Variants in UPRT observed in about 807,000 individuals in gnomAD.
UPRT encodes the protein RP11-311P8.3.
In UPRT, 5 loss-of-function variants were observed where a neutral mutation model predicts 22.6. That is an observed-to-expected ratio of 0.22 (90% CI 0.12 to 0.47). UPRT has a LOEUF of 0.47. UPRT is among the 20% of genes least tolerant of loss of function. The probability of loss-of-function intolerance (pLI) is 0.99; values close to 1 mark genes in which losing one functional copy is unlikely to be tolerated. For synonymous variants in UPRT, 77 were observed against 87.7 expected, an observed-to-expected ratio of 0.88 and a Z score of 0.68; for missense variants, 181 against 239.9, an observed-to-expected ratio of 0.75 and a Z score of 1.62.
chrX:75,302,748 C>T (rs1017420933), intron 6 of UPRT, among the ~76,000 whole-genome samples: 1 of 110,509 alleles, frequency 9.0e-6, no homozygotes, highest in African/African-American at 3.3e-5. Context: ...GTTACTTTTC[C>T]CTACCTATTC....
chrX:75,258,304 C>T lies in UPRT; in HGVS notation c.-446-32720C>T, dbSNP rs145324447. ...CACTCCCCTGGAAAGAGGGCTGAAG[C>T]CAGGGAGCCAACTGGTCTGGCTTGG... On this transcript the variant is annotated intron_variant, in intron 4 of 13. Coordinates refer to the UPRT transcript ENST00000652605. 3.1e-3 allele frequency among the ~76,000 whole-genome samples: 323 copies of T among 105,455 alleles called. 1 individual carries two copies. The highest frequency in any genetic ancestry group is 0.01 in the African/African-American group (293 of 28,811). The allele number at this position is 105,455 out of a possible 115,157, so 91.6% of individuals were successfully genotyped here.
chrX:75,286,381 C>A (rs1254852490), intron 1 of UPRT, among the ~76,000 whole-genome samples: 2 of 110,683 alleles, frequency 1.8e-5, no homozygotes, highest in Non-Finnish European at 3.8e-5. Context: ...CCAACCTGCC[C>A]CTCGCCCCAT....
At chrX:75,197,153 C>T (rs1451944167) in intron 4 of UPRT, among the ~76,000 whole-genome samples, 1 of 111,315 alleles carries the variant, frequency 9.0e-6, no homozygotes. Context: ...AAAAATAATC[C>T]TCCTTAAGAC....
At chrX:75,188,331 G>T (rs1239372362) in intron 4 of UPRT, among the ~76,000 whole-genome samples, 1 of 112,077 alleles carries the variant, frequency 8.9e-6, no homozygotes, top group African/African-American at 3.2e-5. Flanking sequence ...CAGTTAGACT[G>T]CTCGGTGGTC....
intron 4 of UPRT, among the ~76,000 whole-genome samples, chrX:75,217,442 G>A (rs1469058600): frequency 9.0e-6 from 1 of 111,516 alleles, no homozygotes; most frequent in African/African-American, 3.3e-5. Flanking sequence ...CATGAGCATG[G>A]AATGTTCTTC....
chrX:75,198,343 C>T (rs140352837), intron 4 of UPRT, among the ~76,000 whole-genome samples: 3,247 of 111,783 alleles, frequency 0.029, 118 homozygotes, highest in African/African-American at 0.1. Context: ...TCAAATAGCT[C>T]GATAGGGGTA....
chrX:75,180,901 A>G (rs541945658), intron 4 of UPRT, among the ~76,000 whole-genome samples: 2 of 109,182 alleles, frequency 1.8e-5, no homozygotes, highest in South Asian at 8.0e-4. Context: ...TTTTGTCACA[A>G]TTGCCTTTGA....
chrX:75,276,144 A>G (rs2147684888), intron 1 of UPRT, among the ~76,000 whole-genome samples: 1 of 111,962 alleles, frequency 8.9e-6, no homozygotes, highest in South Asian at 3.7e-4. Context: ...TCAGGGTGAA[A>G]CACAGCATTA....
At chrX:75,243,339 G>A (rs2082494199) in intron 4 of UPRT, among the ~76,000 whole-genome samples, 1 of 111,123 alleles carries the variant, frequency 9.0e-6, no homozygotes, top group South Asian at 3.8e-4. Flanking sequence ...GAATCTATGG[G>A]AGTGTATAAA....
chrX:75,187,588 A>G (rs768890072), intron 4 of UPRT, among the ~76,000 whole-genome samples: 1 of 111,943 alleles, frequency 8.9e-6, no homozygotes, highest in South Asian at 3.7e-4. Flanking sequence ...AGATTGGGGA[A>G]GTTCTCCCGA....
At chrX:75,258,054 G>A (rs1188925568) in intron 4 of UPRT, among the ~76,000 whole-genome samples, 2 of 110,224 alleles carry the variant, frequency 1.8e-5, no homozygotes, top group African/African-American at 3.3e-5. Flanking sequence ...GTGCACTCTG[G>A]CCCAGATACT....
chrX:75,212,644 A>C (rs756765864), intron 4 of UPRT, among the ~76,000 whole-genome samples: 1 of 112,189 alleles, frequency 8.9e-6, no homozygotes. Context: ...TTGCAGGGAC[A>C]TGGATGAAGC....
chrX:75,193,382 T>C (rs189058304), intron 4 of UPRT, among the ~76,000 whole-genome samples: 31 of 111,988 alleles, frequency 2.8e-4, no homozygotes, highest in Admixed American at 9.5e-5. Context: ...CCCTTTTCTC[T>C]AGCTATCTTT....
intron 4 of UPRT, among the ~76,000 whole-genome samples, chrX:75,267,268 C>T (rs962473633): frequency 9.0e-6 from 1 of 111,648 alleles, no homozygotes; most frequent in East Asian, 2.8e-4. Context: ...GAGCTCATGA[C>T]CTTTGTAGGG....
chrX:75,191,381 G>T (rs2082314392), intron 4 of UPRT, among the ~76,000 whole-genome samples: 1 of 112,003 alleles, frequency 8.9e-6, no homozygotes, highest in African/African-American at 3.2e-5. Flanking sequence ...GTGTCAGTCT[G>T]CCCCTATTAG....
At chrX:75,207,753 T>G (rs2082370841) in intron 4 of UPRT, among the ~76,000 whole-genome samples, 1 of 111,261 alleles carries the variant, frequency 9.0e-6, no homozygotes, top group Non-Finnish European at 1.9e-5. Flanking sequence ...GCACCCAATA[T>G]TTTTAGGCAG....
intron 3 of UPRT, among the ~76,000 whole-genome samples, chrX:75,163,925 C>T (rs1034829695): frequency 4.5e-5 from 5 of 111,162 alleles, no homozygotes; most frequent in Non-Finnish European, 9.4e-5. Context: ...ATCCTGTAAT[C>T]GCAGCACTTT....
At chrX:75,197,838 A>T (rs1450074606) in intron 4 of UPRT, among the ~76,000 whole-genome samples, 1 of 112,543 alleles carries the variant, frequency 8.9e-6, no homozygotes. Context: ...AATACCAAGT[A>T]CTGGAAAGGA....
chrX:75,234,966 A>T lies in UPRT; in HGVS notation c.-446-56058A>T, dbSNP rs750003837. ...CAGAACTGAAGGAAATAGAGACACA[A>T]AAAACCCTTCAAAAAATCAATGAAT... is the stretch of plus-strand genomic sequence containing the variant. On this transcript the variant is annotated intron_variant, in intron 4 of 13. Transcript: ENST00000652605. Among the ~76,000 whole-genome samples, 219 of 111,908 alleles carry T rather than the reference A, an allele frequency of 2.0e-3. 1 individual carries two copies. Among genetic ancestry groups the T allele is most frequent in the African/African-American group, 7.0e-3 (216 of 30,765 alleles).
Sources: gnomAD v4.1 joint callset for allele counts (sites outside exome capture counted in the v4.1 genomes callset) on GRCh38, gnomAD v4.1.1 for gene constraint, MANE v1.5 for transcripts, NCBI Gene and HGNC (gene_info 2026-07-23, HGNC 2026-07-21) for gene names.